Variants in LPO observed in about 807,000 individuals in gnomAD.
LPO encodes the protein salivary peroxidase.
A neutral mutation model predicts 68.4 loss-of-function variants in LPO; 70 were observed. The ratio of observed to expected loss-of-function variants is 1.02; its 90% CI spans 0.84 to 1.25. LPO has a LOEUF of 1.25. Among genes scored for constraint, LPO ranks in the 50% most tolerant of loss-of-function variants. The pLI is 0.00. For synonymous variants in LPO, 360 were observed against 357.6 expected, an observed-to-expected ratio of 1.01 and a Z score of -0.08; for missense variants, 873 against 908.4, an observed-to-expected ratio of 0.96 and a Z score of 0.50.
rs8178337 is a variant in LPO at position 58,250,277 on chromosome 17, T to C, written c.574-138T>C. On this transcript the variant is annotated intron_variant, in intron 6 of 12. Coordinates refer to ENST00000262290, the MANE Select transcript of LPO (RefSeq NM_006151.3). ...TCTCCCCCTCTACAGAATAGGCTAA[T>C]GCCACCCACCTCACAAACTCCTTGT... 1,579 of 710,540 alleles carry C rather than the reference T, an allele frequency of 2.2e-3. 13 individuals are homozygous for C. In the African/African-American group the frequency reaches 0.025, roughly 11 times the overall value. 44.0% of individuals were successfully genotyped at this position (710,540 alleles called of 1,614,324 possible). A position where few individuals can be genotyped will look rare whatever the true frequency, so the allele number is the denominator to read the frequency against.
intron 10 of LPO, 62 bp from the exon 11 acceptor site, chr17:58,266,091 C>A: frequency 1.3e-6 from 2 of 1,516,060 alleles, no homozygotes; most frequent in South Asian, 1.2e-5. Context: ...CAGAGGCAAG[C>A]CATGAATGAT....
Position 58,249,712 on chromosome 17 carries a change from C to A in LPO, c.573+17C>A. On this transcript the variant is annotated intron_variant, in intron 6 of 12. Transcript: ENST00000262290. ...CTCCCGCTGGTGAGGGCAGGCCGGG[C>A]CGGGGTGAAGGATGGGAGCCAGAGG... 1 of 1,547,548 alleles carries A rather than the reference C, an allele frequency of 6.5e-7. No individual in the cohort carries two copies.
At chr17:58,239,846 A>G (rs931049822) in intron 1 of LPO, among the ~76,000 whole-genome samples, 2 of 152,174 alleles carry the variant, frequency 1.3e-5, no homozygotes, top group East Asian at 3.9e-4. Flanking sequence ...GATAGTAGGC[A>G]CATTACAGTG....
chr17:58,254,993 G>A lies in LPO; in HGVS notation c.1266+22G>A, dbSNP rs201089475. On this transcript the variant is annotated intron_variant, in intron 9 of 12. Coordinates refer to ENST00000262290, the MANE Select transcript of LPO (RefSeq NM_006151.3). ...GCAGGTAGGGAGTCCCAGGAGCACT[G>A]TCACCTGGTCCCACCTGGCTCCCAC... The A allele has an allele frequency of 3.0e-4, 490 of 1,610,118 alleles. 1 individual carries two copies. Among genetic ancestry groups the A allele is most frequent in the African/African-American group, 8.0e-5 (6 of 74,820 alleles).
chr17:58,259,637 G>T (rs192962940), intron 9 of LPO, among the ~76,000 whole-genome samples: 2 of 152,284 alleles, frequency 1.3e-5, no homozygotes, highest in East Asian at 3.9e-4. Flanking sequence ...GATAGAAATT[G>T]CATTAAAATT....
Position 58,252,506 on chromosome 17 carries a change from G to T in LPO, c.1105G>T (p.Gly369Ter), listed in dbSNP as rs1238168287. 1 of 1,609,910 alleles carries T rather than the reference G, an allele frequency of 6.2e-7. No homozygotes were observed. Among genetic ancestry groups the T allele is most frequent in the Non-Finnish European group, 8.5e-7 (1 of 1,177,372 alleles). Residue 369 changes from glycine (G) to a stop codon, truncating the protein, a stop_gained and splice_region_variant, in exon 8 of 13, where the codon GGA becomes TGA. Transcript: ENST00000262290. LOFTEE classifies it high-confidence loss of function. ...TGCCCGTGTGCCCTGCTTCCTGGCAGGTGAGTCTAGCCTGGGAACAGAAGG... is the reference window on the plus strand; with the variant it reads ...TGCCCGTGTGCCCTGCTTCCTGGCATGTGAGTCTAGCCTGGGAACAGAAGG... The part of the protein sequence containing the change: ...TTARVPCFLA[G>*]DSRASEHILL...
chr17:58,249,219 T>C, intron 5 of LPO, 42 bp downstream of exon 5: 1 of 1,542,634 alleles, frequency 6.5e-7, no homozygotes, highest in Non-Finnish European at 8.9e-7. Flanking sequence ...TTCCAGCCAC[T>C]CCGCCCCGCC....
chr17:58,249,338 C>A, intron 5 of LPO, 161 bp downstream of exon 5: 3 of 876,386 alleles, frequency 3.4e-6, no homozygotes, highest in East Asian at 2.7e-5. Flanking sequence ...GCGTCTCCAG[C>A]CCTCTCCCTC....
In LPO at chr17:58,247,502, G is replaced by C; in HGVS notation, c.189G>C (p.Glu63Asp). The stretch of plus-strand genomic sequence containing the variant: ...GGCTGAAGACCGCCATGAGCTCTGA[G>C]ACTCCCACCAGCCGACAGCTCTCAG... ...RTRLKTAMSS[E>D]TPTSRQLSEY... The change falls in exon 4 of 13, where the codon GAG (glutamate) becomes GAC (aspartate). Residue 63 changes from glutamate (E) to aspartate (D), a missense_variant. Glu to Asp is a conservative substitution (Grantham distance 45, BLOSUM62 2). Transcript: ENST00000262290. 6.2e-7 allele frequency: 1 copy of C among 1,613,872 alleles called. No individual in the cohort carries two copies. Among genetic ancestry groups the C allele is most frequent in the Non-Finnish European group, 8.5e-7 (1 of 1,179,960 alleles).
chr17:58,264,010 A>G (rs1427793168), intron 9 of LPO, among the ~76,000 whole-genome samples: 1 of 152,122 alleles, frequency 6.6e-6, no homozygotes, highest in Non-Finnish European at 1.5e-5. Flanking sequence ...TGAGCTCCTT[A>G]TGGCACTGGG....
chr17:58,239,841 T>A (rs1350284416), intron 1 of LPO, among the ~76,000 whole-genome samples: 1 of 152,170 alleles, frequency 6.6e-6, no homozygotes, highest in Non-Finnish European at 1.5e-5. Context: ...TAGGTGATAG[T>A]AGGCACATTA....
intron 8 of LPO, among the ~76,000 whole-genome samples, chr17:58,254,152 T>TATAGATATATATATATATAGATAG (rs1555605278): frequency 7.5e-6 from 1 of 133,322 alleles, no homozygotes; most frequent in African/African-American, 3.0e-5. Context: ...TATATAGATA[T>TATAGATATATATATATATAGATAG]ATAGATAGAT....
At position 58,244,090 on chromosome 17, in the gene LPO, GACACACACACACACACACACAC is replaced by G. The variant is rs67390833; in HGVS notation, c.164+30_164+51del. 8 of 1,061,344 alleles carry G rather than the reference GACACACACACACACACACACAC, an allele frequency of 7.5e-6. No homozygotes were observed. Among genetic ancestry groups the G allele is most frequent in the South Asian group, 1.3e-5 (1 of 76,616 alleles). The allele number at this position is 1,061,344 out of a possible 1,614,324, so 65.7% of individuals were successfully genotyped here. A position where few individuals can be genotyped will look rare whatever the true frequency, so the allele number is the denominator to read the frequency against. On this transcript the variant is annotated intron_variant, in intron 3 of 12. Transcript: ENST00000262290. The stretch of plus-strand genomic sequence containing the variant: ...CTGGACTCCCGAACCAGGTACGTGA[GACACACACACACACACACACAC>G]ACACACACACACACACACACTTCCC...
intron 10 of LPO, among the ~76,000 whole-genome samples, 154 bp downstream of exon 10, chr17:58,265,128 T>C (rs941227813): frequency 2.6e-5 from 4 of 152,196 alleles, no homozygotes; most frequent in Non-Finnish European, 5.9e-5. Flanking sequence ...ATTTATAAAA[T>C]GGGGACAATA....
chr17:58,250,667 C>A, intron 7 of LPO, 46 bp downstream of exon 7: 1 of 1,578,096 alleles, frequency 6.3e-7, no homozygotes. Flanking sequence ...CTTGCCCACC[C>A]TGATGTAGCA....
At chr17:58,266,381 C>T in intron 11 of LPO, 55 bp downstream of exon 11, 9 of 1,536,452 alleles carry the variant, frequency 5.9e-6, no homozygotes, top group Non-Finnish European at 7.1e-6. Context: ...CTTTCTAGGG[C>T]TCCTGGAGAC....
intron 9 of LPO, among the ~76,000 whole-genome samples, chr17:58,258,118 C>T (rs551500599): frequency 1.3e-5 from 2 of 152,202 alleles, no homozygotes; most frequent in Admixed American, 6.5e-5. Flanking sequence ...TGATTGTATC[C>T]TTTGTTGTGC....
chr17:58,266,424 G>T, intron 11 of LPO, 98 bp downstream of exon 11: 1 of 1,332,596 alleles, frequency 7.5e-7, no homozygotes, highest in East Asian at 2.4e-5. Flanking sequence ...CTGATCATCT[G>T]ATCAATTCTG....
At chr17:58,266,386 G>A (rs913786550) in intron 11 of LPO, 60 bp downstream of exon 11, 1 of 1,540,720 alleles carries the variant, frequency 6.5e-7, no homozygotes, top group African/African-American at 1.4e-5. Context: ...TAGGGCTCCT[G>A]GAGACTCTCT....
Sources: allele counts gnomAD v4.1 joint callset (sites outside exome capture counted in the v4.1 genomes callset), GRCh38; gene constraint gnomAD v4.1.1; transcripts MANE v1.5; gene names NCBI Gene and HGNC (gene_info 2026-07-23, HGNC 2026-07-21).